Variants in LRRC4C observed in about 807,000 individuals in gnomAD.
LRRC4C encodes the protein leucine rich repeat containing 4C, also known as leucine-rich repeat-containing protein 4C.
Under a neutral mutation model 33.6 loss-of-function variants are expected in LRRC4C, and 5 were observed. The ratio of observed to expected loss-of-function variants is 0.15; its 90% CI spans 0.08 to 0.31. The LOEUF is 0.31. Ranked by LOEUF, LRRC4C falls within the 10% of genes least tolerant of loss-of-function variation. The probability of loss-of-function intolerance (pLI) is 1.00; values close to 1 mark genes in which losing one functional copy is unlikely to be tolerated. For missense variants in LRRC4C, 560 were observed against 796.7 expected, an observed-to-expected ratio of 0.70 and a Z score of 3.58; for synonymous variants, 329 against 302.0, an observed-to-expected ratio of 1.09 and a Z score of -0.93.
intron 1 of LRRC4C, among the ~76,000 whole-genome samples, chr11:41,033,648 G>C (rs1476680425): frequency 6.6e-6 from 1 of 152,030 alleles, no homozygotes; most frequent in Non-Finnish European, 1.5e-5. Flanking sequence ...GTAAAAGGCA[G>C]TGCCCAGAGT....
At position 40,839,358 on chromosome 11, in the gene LRRC4C, C is replaced by A. The variant is rs562096609; in HGVS notation, c.-407+94277G>T. Reference sequence around the variant, plus strand: ...CTCAGCAATTCTCAAGCAATTCTCCCGCCTCAGCCTCCAAGTAGCTGGGAT... The same window carrying A: ...CTCAGCAATTCTCAAGCAATTCTCCAGCCTCAGCCTCCAAGTAGCTGGGAT... On this transcript the variant is annotated intron_variant, in intron 2 of 6. Coordinates refer to ENST00000528697, the MANE Select transcript of LRRC4C (RefSeq NM_001258419.2). Among the ~76,000 whole-genome samples, 155 of 152,176 alleles carry A rather than the reference C, an allele frequency of 1.0e-3. 1 individual carries two copies. The highest frequency in any genetic ancestry group is 3.7e-3 in the African/African-American group (152 of 41,540).
chr11:41,073,695 G>A (rs537231051), intron 1 of LRRC4C, among the ~76,000 whole-genome samples: 2 of 152,280 alleles, frequency 1.3e-5, no homozygotes, highest in African/African-American at 4.8e-5. Context: ...GCTTATATTG[G>A]TTCTCAGTTC....
At chr11:40,802,245 A>G (rs1201483249) in intron 2 of LRRC4C, among the ~76,000 whole-genome samples, 1 of 152,080 alleles carries the variant, frequency 6.6e-6, no homozygotes, top group African/African-American at 2.4e-5. Flanking sequence ...GACCAAAATT[A>G]TCTTATGGGG....
At chr11:40,643,926 T>A (rs1942275374) in intron 3 of LRRC4C, among the ~76,000 whole-genome samples, 1 of 152,038 alleles carries the variant, frequency 6.6e-6, no homozygotes. Flanking sequence ...AATATCATAC[T>A]CAAAATGTCT....
intron 2 of LRRC4C, among the ~76,000 whole-genome samples, chr11:40,721,022 T>C (rs1169041071): frequency 1.3e-5 from 2 of 152,208 alleles, no homozygotes; most frequent in African/African-American, 2.4e-5. Context: ...TTCATTTCTT[T>C]CTATACTTAC....
intron 2 of LRRC4C, among the ~76,000 whole-genome samples, chr11:40,703,389 G>A (rs1457723988): frequency 6.6e-6 from 1 of 152,072 alleles, no homozygotes; most frequent in African/African-American, 2.4e-5. Context: ...ACTTACATTG[G>A]CAAAACCACG....
chr11:40,719,777 G>A (rs1311129751), intron 2 of LRRC4C, among the ~76,000 whole-genome samples: 1 of 151,996 alleles, frequency 6.6e-6, no homozygotes, highest in Non-Finnish European at 1.5e-5. Flanking sequence ...CACAATTATT[G>A]GTGTCAGTGT....
At chr11:41,423,817 C>T (rs1327730476) in intron 1 of LRRC4C, 1 of 152,018 alleles carries the variant, frequency 6.6e-6, no homozygotes, top group East Asian at 1.9e-4. Flanking sequence ...ATGGCTAGGT[C>T]CATCTGTGGC....
At chr11:41,176,863 G>A (rs940998662) in intron 1 of LRRC4C, among the ~76,000 whole-genome samples, 5 of 152,104 alleles carry the variant, frequency 3.3e-5, no homozygotes, top group Non-Finnish European at 5.9e-5. Flanking sequence ...TACTGGGGAG[G>A]CTGAGGCAGA....
At chr11:40,455,950 C>T (rs1952112784) in intron 3 of LRRC4C, among the ~76,000 whole-genome samples, 1 of 152,000 alleles carries the variant, frequency 6.6e-6, no homozygotes, top group African/African-American at 2.4e-5. Context: ...GGTAAATGTT[C>T]CAATGAGGAA....
At chr11:40,452,382 A>T (rs1189105246) in intron 3 of LRRC4C, among the ~76,000 whole-genome samples, 2 of 152,246 alleles carry the variant, frequency 1.3e-5, no homozygotes, top group Admixed American at 6.5e-5. Flanking sequence ...ATATGAACAG[A>T]CACTTCTCAA....
chr11:40,963,692 A>G (rs11036160), intron 1 of LRRC4C, among the ~76,000 whole-genome samples: 35,266 of 151,702 alleles, frequency 0.23, 4,486 homozygotes, highest in Middle Eastern at 0.32. Context: ...CCTACCAAAA[A>G]GCACCCAGGC....
intron 1 of LRRC4C, among the ~76,000 whole-genome samples, chr11:41,020,487 GA>G (rs1219434010): frequency 6.6e-6 from 1 of 152,088 alleles, no homozygotes; most frequent in Non-Finnish European, 1.5e-5. Flanking sequence ...CACAGAGACA[GA>G]AACACATAGA....
intron 2 of LRRC4C, among the ~76,000 whole-genome samples, chr11:40,837,603 G>T: frequency 6.7e-6 from 1 of 149,990 alleles, no homozygotes; most frequent in East Asian, 2.0e-4. Flanking sequence ...ACTTTGAGAG[G>T]CCTAGGCAGA....
chr11:40,126,503 T>C (rs1856238795), intron 6 of LRRC4C, among the ~76,000 whole-genome samples: 1 of 152,168 alleles, frequency 6.6e-6, no homozygotes, highest in African/African-American at 2.4e-5. Flanking sequence ...TCAAGAACTT[T>C]CCAATCTTGG....
chr11:40,244,771 G>C (rs934456854), intron 4 of LRRC4C, among the ~76,000 whole-genome samples: 5 of 151,876 alleles, frequency 3.3e-5, no homozygotes, highest in African/African-American at 1.2e-4. Context: ...TATGTAAAGA[G>C]AGATTCTTAA....
chr11:41,079,022 G>A (rs1939364918), intron 1 of LRRC4C, among the ~76,000 whole-genome samples: 1 of 152,058 alleles, frequency 6.6e-6, no homozygotes, highest in South Asian at 2.1e-4. Context: ...CAAAATAAAT[G>A]TTAGGGCTAA....
chr11:41,045,792 G>A lies in LRRC4C; in HGVS notation c.-495-112069C>T, dbSNP rs1249210526. Among the ~76,000 whole-genome samples, 5 of 147,334 alleles carry A rather than the reference G, an allele frequency of 3.4e-5. No homozygotes were observed. The East Asian group carries it at 7.7e-4, about 23-fold the overall frequency. ...TCAGTGAGAGGTGAGACTTTGATAA[G>A]GGTGAGTCCAAAAGCACCCTGTGGG... On this transcript the variant is annotated intron_variant, in intron 1 of 6. Transcript: ENST00000528697.
intron 2 of LRRC4C, among the ~76,000 whole-genome samples, chr11:40,856,833 C>T (rs73472650): frequency 0.013 from 1,989 of 152,290 alleles, 51 homozygotes; most frequent in African/African-American, 0.046. Flanking sequence ...CTAAAGCTGA[C>T]AATCACATTC....
Sources: gnomAD v4.1 joint callset for allele counts (sites outside exome capture counted in the v4.1 genomes callset) on GRCh38, gnomAD v4.1.1 for gene constraint, MANE v1.5 for transcripts, NCBI Gene and HGNC (gene_info 2026-07-23, HGNC 2026-07-21) for gene names.